Variants in CDH12 observed in about 807,000 individuals in gnomAD.
The protein encoded by CDH12 is cadherin-12.
A neutral mutation model predicts 74.1 loss-of-function variants in CDH12; 41 were observed. The observed-to-expected ratio is 0.55, with a 90% CI of 0.43 to 0.72. The LOEUF (loss-of-function observed/expected upper bound fraction) is 0.72, where lower values mean the gene tolerates loss of function less well. CDH12 is among the 30% of genes least tolerant of loss of function. The probability of loss-of-function intolerance (pLI) is 0.00; values close to 1 mark genes in which losing one functional copy is unlikely to be tolerated. For synonymous variants in CDH12, 399 were observed against 355.0 expected (o/e 1.12, Z -1.39); for missense variants, 945 against 977.2 (o/e 0.97, Z 0.44).
chr5:22,720,025 T>C (rs1048047676), intron 1 of CDH12, among the ~76,000 whole-genome samples: 1 of 106,354 alleles, frequency 9.4e-6, no homozygotes, highest in African/African-American at 3.3e-5. Context: ...GCACTAGGAT[T>C]CACAAAAACA....
At chr5:22,520,370 A>C (rs1580728532) in intron 1 of CDH12, among the ~76,000 whole-genome samples, 1 of 152,222 alleles carries the variant, frequency 6.6e-6, no homozygotes. Flanking sequence ...ATAAATATGC[A>C]TGCAACATTT....
chr5:22,100,946 A>T (rs750183987), intron 4 of CDH12, among the ~76,000 whole-genome samples: 1 of 152,192 alleles, frequency 6.6e-6, no homozygotes. Context: ...CAGCTGCCTT[A>T]CATGAAATTT....
intron 6 of CDH12, among the ~76,000 whole-genome samples, chr5:21,880,587 C>CCTT (rs1579895427): frequency 1.9e-5 from 1 of 51,840 alleles, no homozygotes; most frequent in African/African-American, 7.1e-5. Context: ...TTCCTTCCTT[C>CCTT]CTTCCTTCCT....
At chr5:22,376,974 A>T (rs577183453) in intron 3 of CDH12, among the ~76,000 whole-genome samples, 1 of 152,270 alleles carries the variant, frequency 6.6e-6, no homozygotes, top group South Asian at 2.1e-4. Flanking sequence ...TGAATTATTA[A>T]AGACAGGGTA....
intron 6 of CDH12, among the ~76,000 whole-genome samples, chr5:21,930,337 T>C (rs1223467460): frequency 8.5e-5 from 13 of 152,334 alleles, no homozygotes; most frequent in Admixed American, 8.5e-4. Context: ...ACTTTTCTTA[T>C]TATTATTAAA....
At chr5:22,118,371 C>T (rs1035960179) in intron 4 of CDH12, among the ~76,000 whole-genome samples, 26 of 152,026 alleles carry the variant, frequency 1.7e-4, no homozygotes, top group African/African-American at 5.8e-4. Context: ...TTACATATCT[C>T]GGAAATATTC....
At chr5:22,838,864 G>A (rs574379570) in intron 1 of CDH12, among the ~76,000 whole-genome samples, 1 of 152,116 alleles carries the variant, frequency 6.6e-6, no homozygotes, top group South Asian at 2.1e-4. Context: ...TTTTAATAGA[G>A]ATGGGATTTC....
At chr5:21,825,847 T>G (rs1355421526) in intron 8 of CDH12, among the ~76,000 whole-genome samples, 1 of 152,204 alleles carries the variant, frequency 6.6e-6, no homozygotes, top group East Asian at 1.9e-4. Context: ...TGCAGCTCTC[T>G]CCTTGCCAGA....
At chr5:22,851,168 C>T (rs560278304) in intron 1 of CDH12, among the ~76,000 whole-genome samples, 27 of 152,096 alleles carry the variant, frequency 1.8e-4, no homozygotes, top group East Asian at 1.4e-3. Context: ...CATATCATTC[C>T]GTGTGTGGAA....
At chr5:22,578,939 G>T (rs1424542600) in intron 1 of CDH12, among the ~76,000 whole-genome samples, 2 of 152,046 alleles carry the variant, frequency 1.3e-5, no homozygotes, top group African/African-American at 4.8e-5. Context: ...TAAACAAAAT[G>T]ATTTAAGCAA....
At chr5:22,259,915 C>T (rs974576267) in intron 3 of CDH12, among the ~76,000 whole-genome samples, 1 of 151,800 alleles carries the variant, frequency 6.6e-6, no homozygotes, top group Non-Finnish European at 1.5e-5. Flanking sequence ...GTAGAAGACC[C>T]TAAAGGTGAG....
At chr5:21,807,187 C>T (rs1747475993) in intron 9 of CDH12, among the ~76,000 whole-genome samples, 1 of 152,142 alleles carries the variant, frequency 6.6e-6, no homozygotes, top group Non-Finnish European at 1.5e-5. Flanking sequence ...CTATGGCTCC[C>T]TGCCCAGAGA....
intron 1 of CDH12, among the ~76,000 whole-genome samples, chr5:22,687,053 C>T (rs146276094): frequency 2.0e-4 from 30 of 152,164 alleles, no homozygotes; most frequent in African/African-American, 6.3e-4. Context: ...CCCAGCACTT[C>T]GGGAGGCTAA....
chr5:22,658,820 T>G (rs915102259), intron 1 of CDH12, among the ~76,000 whole-genome samples: 1 of 152,162 alleles, frequency 6.6e-6, no homozygotes. Flanking sequence ...GTAGCAAAAG[T>G]GAGAACTGCT....
intron 4 of CDH12, among the ~76,000 whole-genome samples, chr5:22,174,530 C>T (rs1369014901): frequency 2.0e-5 from 3 of 151,838 alleles, no homozygotes; most frequent in African/African-American, 7.3e-5. Flanking sequence ...AGTGAAAAAT[C>T]AGGCAGAAAT....
intron 13 of CDH12, among the ~76,000 whole-genome samples, chr5:21,759,792 G>A (rs1744613202): frequency 6.6e-6 from 1 of 151,890 alleles, no homozygotes; most frequent in African/African-American, 2.4e-5. Flanking sequence ...CAGGTCTTAA[G>A]CCCAATACCC....
intron 3 of CDH12, among the ~76,000 whole-genome samples, chr5:22,349,631 T>A (rs1740270650): frequency 6.6e-6 from 1 of 152,202 alleles, no homozygotes; most frequent in Non-Finnish European, 1.5e-5. Context: ...AACCAATCAA[T>A]CAATCTTAAG....
chr5:21,985,735 T>C (rs544890507), intron 5 of CDH12, among the ~76,000 whole-genome samples: 66 of 152,274 alleles, frequency 4.3e-4, no homozygotes, highest in African/African-American at 1.6e-3. Flanking sequence ...GTTTCCTTTT[T>C]TGAAGTTGCC....
chr5:22,307,693 T>C (rs1250639623), intron 3 of CDH12, among the ~76,000 whole-genome samples: 4 of 152,056 alleles, frequency 2.6e-5, no homozygotes, highest in African/African-American at 9.7e-5. Flanking sequence ...CATTTAAGAT[T>C]ATGATGAAAA....
Sources: gnomAD v4.1 joint callset for allele counts (sites outside exome capture counted in the v4.1 genomes callset) on GRCh38, gnomAD v4.1.1 for gene constraint, MANE v1.5 for transcripts, NCBI Gene and HGNC (gene_info 2026-07-23, HGNC 2026-07-21) for gene names.